Variants in FCHO1 observed in about 807,000 individuals in gnomAD.
FCHO1 encodes the protein FCH and mu domain containing endocytic adaptor 1, also known as F-BAR domain only protein 1.
In FCHO1, 45 loss-of-function variants were observed where a neutral mutation model predicts 114.4. The ratio of observed to expected loss-of-function variants is 0.39; its 90% CI spans 0.31 to 0.50. The LOEUF (loss-of-function observed/expected upper bound fraction) is 0.50, where lower values mean the gene tolerates loss of function less well. FCHO1 is among the 20% of genes least tolerant of loss of function. FCHO1 has a pLI of 0.77. For missense variants in FCHO1, 1,042 were observed against 1,209.6 expected, an observed-to-expected ratio of 0.86 and a Z score of 2.06; for synonymous variants, 480 against 488.9, an observed-to-expected ratio of 0.98 and a Z score of 0.24.
chr19:17,775,571 G>A lies in FCHO1; in HGVS notation c.1003+58G>A, dbSNP rs970548867. The A allele has an allele frequency of 2.3e-5, 34 of 1,455,680 alleles. No individual in the cohort carries two copies. Among genetic ancestry groups the A allele is most frequent in the East Asian group, 9.1e-5 (4 of 44,106 alleles). 90.2% of individuals were successfully genotyped at this position (1,455,680 alleles called of 1,614,324 possible). On this transcript the variant is annotated intron_variant, in intron 15 of 28. Transcript: ENST00000596536. This position sits in a 1 kb window ranked among gnomAD's most constrained non-coding sequence, Gnocchi z 5.1. ...TGGCACAGCAAGGACAAAATTCTCC[G>A]TAATAACCAGTCCACCTTCAGCAGT...
chr19:17,787,329 T>C (rs958937380), intron 27 of FCHO1, among the ~76,000 whole-genome samples: 1 of 149,234 alleles, frequency 6.7e-6, no homozygotes, highest in Non-Finnish European at 1.5e-5. Flanking sequence ...GAGGATCACT[T>C]GAGCCCAGGA....
At position 17,786,397 on chromosome 19, in the gene FCHO1, G is replaced by A. The variant is rs181697443; in HGVS notation, c.2427-177G>A. Among the ~76,000 whole-genome samples the A allele has an allele frequency of 2.3e-3, 346 of 152,098 alleles. 2 individuals carry two copies. Among genetic ancestry groups the A allele is most frequent in the Non-Finnish European group, 3.5e-3 (237 of 67,988 alleles). Reference sequence around the variant, plus strand: ...ACACACACACACAGAAGTGTTGCAAGGCTGTGTGGCTCCACGGCTGTTCCA... The same window carrying A: ...ACACACACACACAGAAGTGTTGCAAAGCTGTGTGGCTCCACGGCTGTTCCA... On this transcript the variant is annotated intron_variant, in intron 26 of 28. Transcript: ENST00000596536.
At chr19:17,782,558 G>T (rs2093521173) in intron 23 of FCHO1, among the ~76,000 whole-genome samples, 2 of 152,146 alleles carry the variant, frequency 1.3e-5, no homozygotes, top group South Asian at 4.1e-4. Flanking sequence ...AGGCTGCCGT[G>T]GGCATTAAGA....
At position 17,776,027 on chromosome 19, in the gene FCHO1, G is replaced by C. The variant is rs1264088368; in HGVS notation, c.1048G>C (p.Asp350His). The change falls in exon 16 of 29, where the codon GAC (aspartate) becomes CAC (histidine). Residue 350 changes from aspartate (D) to histidine (H), a missense_variant. Physicochemically the swap from Asp to His is moderately conservative, Grantham distance 81 (BLOSUM62 -1). Transcript: ENST00000596536. This position sits in a 1 kb window ranked among gnomAD's most constrained non-coding sequence, Gnocchi z 4.4. ...SRFSSSDSDFDDEEPRKFYVH... is the reference protein window; with the variant it reads ...SRFSSSDSDFHDEEPRKFYVH... Reference sequence around the variant, plus strand: ...TTTCTCGTCCAGCGACTCCGACTTCGACGATGAAGAGCCCCGCAAGTTCTA... The same window carrying C: ...TTTCTCGTCCAGCGACTCCGACTTCCACGATGAAGAGCCCCGCAAGTTCTA... 2.5e-6 allele frequency: 4 copies of C among 1,609,706 alleles called. No homozygotes were observed. The highest frequency in any genetic ancestry group is 2.7e-5 in the African/African-American group (2 of 75,020).
In FCHO1 at chr19:17,776,417, C is replaced by G; in HGVS notation, c.1207+146C>G. On this transcript the variant is annotated intron_variant, in intron 17 of 28. Transcript: ENST00000596536. The surrounding 1 kb of genome is among the most constrained non-coding windows in gnomAD (Gnocchi z 4.4). ...AGTCTCCTTTTCTGTAAAATGAGGTCATTATGAAATTAAGTGAGAGCTGAA... is the reference window on the plus strand; with the variant it reads ...AGTCTCCTTTTCTGTAAAATGAGGTGATTATGAAATTAAGTGAGAGCTGAA... 8.4e-7 allele frequency: 1 copy of G among 1,183,766 alleles called. No homozygotes were observed. The highest frequency in any genetic ancestry group is 1.2e-5 in the South Asian group (1 of 81,382). 73.3% of individuals were successfully genotyped at this position (1,183,766 alleles called of 1,614,324 possible). A position where few individuals can be genotyped will look rare whatever the true frequency, so the allele number is the denominator to read the frequency against.
intron 4 of FCHO1, among the ~76,000 whole-genome samples, chr19:17,756,656 AC>A (rs1356912122): frequency 3.3e-5 from 5 of 151,660 alleles, no homozygotes; most frequent in Non-Finnish European, 7.4e-5. Flanking sequence ...CGCCACTCCC[AC>A]CCCATGCACC....
At chr19:17,754,563 C>G (rs368974589) in intron 2 of FCHO1, 29 bp from the exon 3 acceptor site, 1 of 156,282 alleles carries the variant, frequency 6.4e-6, no homozygotes, top group Non-Finnish European at 1.4e-5. Flanking sequence ...GCCCCTGCAT[C>G]TATTTCTCTT....
chr19:17,756,373 T>A (rs889185107), intron 4 of FCHO1, among the ~76,000 whole-genome samples: 3 of 152,226 alleles, frequency 2.0e-5, no homozygotes, highest in Non-Finnish European at 4.4e-5. Flanking sequence ...GTCACCTGCA[T>A]TTTGGAACCC....
rs771940414 is a variant in FCHO1, at chr19:17,784,903, G to T, written c.2405G>T (p.Arg802Leu). ...GTGGGGGAGCCTGTGACCAACGTCC[G>T]CTTGCAGCCGGCTGCCACCTGGTGA... The part of the protein sequence containing the change: ...LPVGEPVTNV[R>L]LQPAATWNLE... The change falls in exon 26 of 29, where the codon CGC becomes CTC. Residue 802 changes from arginine (R) to leucine (L), a missense_variant. Physicochemically the swap from Arg to Leu is moderately radical, Grantham distance 102. Coordinates refer to ENST00000596536, the MANE Select transcript of FCHO1 (RefSeq NM_015122.3). This position sits in a 1 kb window ranked among gnomAD's most constrained non-coding sequence, Gnocchi z 5.3. The T allele has an allele frequency of 1.9e-6, 3 of 1,612,120 alleles. No homozygotes were observed. In the Admixed American group the frequency reaches 5.0e-5, roughly 27 times the overall value.
chr19:17,786,468 G>A (rs2093907315), intron 26 of FCHO1, 106 bp from the exon 27 acceptor site: 3 of 1,110,274 alleles, frequency 2.7e-6, no homozygotes, highest in Non-Finnish European at 4.0e-6. Flanking sequence ...GTGAAGTGGG[G>A]GAGAAGGTTT....
intron 6 of FCHO1, among the ~76,000 whole-genome samples, chr19:17,766,371 C>T (rs1051336923): frequency 6.6e-6 from 1 of 151,916 alleles, no homozygotes; most frequent in Admixed American, 6.6e-5. Flanking sequence ...CTCCTGACCT[C>T]AAGTGACCTG....
In FCHO1 at chr19:17,775,473, TGAA is replaced by T. The variant is rs778218892; in HGVS notation, c.968_970del (p.Glu323del). On this transcript the variant is annotated inframe_deletion, in exon 15 of 29. Transcript: ENST00000596536. The surrounding 1 kb of genome is among the most constrained non-coding windows in gnomAD (Gnocchi z 5.1). ...TCCCCTAGACATGTCCAGAGGTGGATGAAGAAGGTTTCACTGTCCGGCCTGATG... is the reference window on the plus strand; with the variant it reads ...TCCCCTAGACATGTCCAGAGGTGGATGAAGGTTTCACTGTCCGGCCTGATG... The T allele has an allele frequency of 1.4e-5, 22 of 1,613,792 alleles. No individual in the cohort carries two copies. The highest frequency in any genetic ancestry group is 6.7e-5 in the East Asian group (3 of 44,886).
intron 26 of FCHO1, 133 bp from the exon 27 acceptor site, chr19:17,786,441 C>T: frequency 1.2e-6 from 1 of 823,898 alleles, no homozygotes. Context: ...CCTCATTTCA[C>T]AGATGAGGAA....
chr19:17,778,051 G>T, intron 18 of FCHO1, 86 bp from the exon 19 acceptor site: 4 of 824,476 alleles, frequency 4.9e-6, no homozygotes, highest in South Asian at 1.5e-5. Context: ...AAAAAAAAAA[G>T]ACTGGGAACA....
intron 26 of FCHO1, among the ~76,000 whole-genome samples, chr19:17,785,532 A>G (rs2147476858): frequency 6.6e-6 from 1 of 152,136 alleles, no homozygotes; most frequent in East Asian, 1.9e-4. Context: ...CTTACAAAAA[A>G]ATATTTTAAA....
Position 17,775,081 on chromosome 19 carries a change from G to A in FCHO1, c.945+1G>A. ...AGATTTCCTGGAGCCCGATTCAGGG[G>A]TGAGTGATGTGGGAGGGGTCAGGCT... On this transcript the variant is annotated splice_donor_variant, in intron 14 of 28. Coordinates refer to ENST00000596536, the MANE Select transcript of FCHO1 (RefSeq NM_015122.3). LOFTEE classifies it high-confidence loss of function. The surrounding 1 kb of genome is among the most constrained non-coding windows in gnomAD (Gnocchi z 5.1). 6.2e-7 allele frequency: 1 copy of A among 1,612,988 alleles called. No individual in the cohort carries two copies.
At chr19:17,777,096 C>T (rs954510274) in intron 18 of FCHO1, among the ~76,000 whole-genome samples, 1 of 151,864 alleles carries the variant, frequency 6.6e-6, no homozygotes, top group African/African-American at 2.4e-5. Flanking sequence ...TTGTGCCTGG[C>T]CCATGCTGGC....
intron 4 of FCHO1, among the ~76,000 whole-genome samples, chr19:17,758,391 GC>G (rs1187676656): frequency 6.6e-6 from 1 of 152,138 alleles, no homozygotes. Context: ...GGCGGGAATA[GC>G]CTGGACAAAA....
chr19:17,758,430 T>C (rs2084671590), intron 4 of FCHO1, among the ~76,000 whole-genome samples: 1 of 152,130 alleles, frequency 6.6e-6, no homozygotes, highest in Non-Finnish European at 1.5e-5. Flanking sequence ...ACTGCCTGTC[T>C]TTGCTATTTG....
Sources: gnomAD v4.1 joint callset for allele counts (sites outside exome capture counted in the v4.1 genomes callset) on GRCh38, gnomAD v4.1.1 for gene constraint, Gnocchi (gnomAD v3.1) non-coding constraint, MANE v1.5 for transcripts, NCBI Gene and HGNC (gene_info 2026-07-23, HGNC 2026-07-21) for gene names.